The following SLC25A26 variants were observed in gnomAD, a reference collection of about 807,000 sequenced individuals.
SLC25A26 encodes the protein solute carrier family 25 member 26, also known as mitochondrial S-adenosylmethionine carrier protein.
In SLC25A26, 36 loss-of-function variants were observed where a neutral mutation model predicts 37.8. That is an observed-to-expected ratio of 0.95 (90% CI 0.73 to 1.26). The LOEUF (loss-of-function observed/expected upper bound fraction) is 1.26. SLC25A26 is among the 50% of genes most tolerant of loss of function. The pLI is 0.00. For missense variants in SLC25A26, 390 were observed against 331.1 expected (o/e 1.18, Z -1.38); for synonymous variants, 129 against 122.5 (o/e 1.05, Z -0.35).
chr3:66,293,156 C>T (rs1162079350), intron 5 of SLC25A26: 1 of 152,140 alleles, frequency 6.6e-6, no homozygotes, highest in Non-Finnish European at 1.5e-5. Flanking sequence ...CATCCTTGCA[C>T]AGGGCCCATG....
At chr3:66,214,727 A>AT (rs1229802670) in intron 1 of SLC25A26, among the ~76,000 whole-genome samples, 1 of 152,074 alleles carries the variant, frequency 6.6e-6, no homozygotes, top group Non-Finnish European at 1.5e-5. Context: ...CATTGCACAT[A>AT]TTTTCCCTGT....
chr3:66,284,882 T>A (rs1434439668), intron 5 of SLC25A26, among the ~76,000 whole-genome samples: 1 of 152,232 alleles, frequency 6.6e-6, no homozygotes, highest in Non-Finnish European at 1.5e-5. Context: ...GCTATTTTGT[T>A]ACCATTTTGT....
intron 1 of SLC25A26, among the ~76,000 whole-genome samples, chr3:66,204,094 A>G (rs1254565318): frequency 1.3e-5 from 2 of 152,194 alleles, no homozygotes; most frequent in African/African-American, 4.8e-5. Flanking sequence ...CAATGCTAGA[A>G]TTGCTGGACT....
intron 1 of SLC25A26, among the ~76,000 whole-genome samples, chr3:66,206,639 C>T (rs1277541512): frequency 6.6e-6 from 1 of 151,134 alleles, no homozygotes; most frequent in Admixed American, 6.6e-5. Context: ...AGACAGAGGA[C>T]ATTTCAGAAT....
intron 1 of SLC25A26, among the ~76,000 whole-genome samples, chr3:66,168,416 T>C (rs949030784): frequency 7.2e-5 from 11 of 152,128 alleles, no homozygotes; most frequent in Non-Finnish European, 1.6e-4. Flanking sequence ...CCTGAAATTC[T>C]GAGGCAGGAT....
chr3:66,256,321 T>C (rs1026644221), intron 3 of SLC25A26, among the ~76,000 whole-genome samples: 1 of 152,210 alleles, frequency 6.6e-6, no homozygotes, highest in African/African-American at 2.4e-5. Flanking sequence ...AAATTTATAA[T>C]ATGTCCTTTT....
chr3:66,154,540 CTTTTTT>C (rs60639995), intron 1 of SLC25A26, among the ~76,000 whole-genome samples: 6 of 130,396 alleles, frequency 4.6e-5, no homozygotes, highest in Non-Finnish European at 4.8e-5. Context: ...TTCTTTTTTT[CTTTTTT>C]TTTTTTTTTT....
intron 5 of SLC25A26, among the ~76,000 whole-genome samples, chr3:66,346,119 T>G (rs1360201707): frequency 1.3e-5 from 2 of 152,190 alleles, no homozygotes; most frequent in Non-Finnish European, 2.9e-5. Context: ...CTCGTGAGCC[T>G]GGGAGGTCGA....
chr3:66,253,023 G>GACCCCC (rs2073145813), intron 3 of SLC25A26, among the ~76,000 whole-genome samples: 1 of 106,694 alleles, frequency 9.4e-6, no homozygotes, highest in Non-Finnish European at 1.8e-5. Context: ...GCAAAATAAT[G>GACCCCC]CCCCCCCCCC....
intron 7 of SLC25A26, among the ~76,000 whole-genome samples, chr3:66,366,733 T>G (rs573563916): frequency 2.0e-5 from 3 of 152,336 alleles, no homozygotes; most frequent in African/African-American, 7.2e-5. Context: ...TTGTGAACAT[T>G]TTCACATACG....
At position 66,237,586 on chromosome 3, in the gene SLC25A26, A is replaced by G. The variant is rs142777560; in HGVS notation, c.190+886A>G. Among the ~76,000 whole-genome samples the G allele has an allele frequency of 3.0e-3, 456 of 152,250 alleles. 2 individuals carry two copies. The highest frequency in any genetic ancestry group is 9.3e-3 in the African/African-American group (385 of 41,548). On this transcript the variant is annotated intron_variant, in intron 2 of 9. Transcript: ENST00000354883. ...TGTTCTCCTGGATACTGTCCTTCCAATGTCTTTTGTTTTGGTTCTGAAGTC... is the reference window on the plus strand; with the variant it reads ...TGTTCTCCTGGATACTGTCCTTCCAGTGTCTTTTGTTTTGGTTCTGAAGTC...
chr3:66,265,655 A>G (rs2073715841), intron 5 of SLC25A26, among the ~76,000 whole-genome samples: 1 of 152,252 alleles, frequency 6.6e-6, no homozygotes, highest in Admixed American at 6.5e-5. Flanking sequence ...TCTTTATGAC[A>G]TACCAACACT....
intron 2 of SLC25A26, among the ~76,000 whole-genome samples, chr3:66,237,499 A>G (rs1263784042): frequency 6.6e-6 from 1 of 152,242 alleles, no homozygotes; most frequent in African/African-American, 2.4e-5. Context: ...TGAACCTAAG[A>G]GGCATTACAC....
At chr3:66,217,773 C>T (rs940931022), upstream of SLC25A26, among the ~76,000 whole-genome samples, 2 of 152,190 alleles carry the variant, frequency 1.3e-5, no homozygotes, top group Non-Finnish European at 2.9e-5. Flanking sequence ...TGGTCTCAAA[C>T]TTCTGACCTC....
chr3:66,221,144 G>C lies in SLC25A26; in HGVS notation c.33+17G>C. On this transcript the variant is annotated intron_variant, in intron 1 of 9. Coordinates refer to ENST00000354883, the MANE Select transcript of SLC25A26 (RefSeq NM_001379210.1). ...GCGCTGGTGGTGAGTGCGGGGCGGT[G>C]GGGTGGGTTGCTCAGAGTGCCGGCG... The C allele has an allele frequency of 6.6e-7, 1 of 1,511,556 alleles. No homozygotes were observed. Among genetic ancestry groups the C allele is most frequent in the Non-Finnish European group, 8.8e-7 (1 of 1,137,170 alleles). The allele number at this position is 1,511,556 out of a possible 1,614,324, so 93.6% of individuals were successfully genotyped here.
At chr3:66,180,418 T>G (rs1243828244) in intron 1 of SLC25A26, among the ~76,000 whole-genome samples, 2 of 152,192 alleles carry the variant, frequency 1.3e-5, no homozygotes, top group Non-Finnish European at 2.9e-5. Flanking sequence ...CGGAAGTGAT[T>G]TCAAAACTCT....
intron 5 of SLC25A26, among the ~76,000 whole-genome samples, chr3:66,332,429 A>T (rs2075998612): frequency 6.6e-6 from 1 of 152,208 alleles, no homozygotes; most frequent in Non-Finnish European, 1.5e-5. Flanking sequence ...AATAGTACTC[A>T]TTTAGATTGA....
chr3:66,256,027 A>G (rs2073287849), intron 3 of SLC25A26, among the ~76,000 whole-genome samples: 1 of 152,218 alleles, frequency 6.6e-6, no homozygotes, highest in Admixed American at 6.5e-5. Context: ...TGAAGCATGA[A>G]GTTCCATAAA....
At chr3:66,250,768 G>A (rs2073052915) in intron 3 of SLC25A26, among the ~76,000 whole-genome samples, 1 of 152,006 alleles carries the variant, frequency 6.6e-6, no homozygotes, top group African/African-American at 2.4e-5. Flanking sequence ...TAGATGGATG[G>A]GTGTTAATTC....
Sources: allele counts gnomAD v4.1 joint callset (sites outside exome capture counted in the v4.1 genomes callset), GRCh38; gene constraint gnomAD v4.1.1; transcripts MANE v1.5; gene names NCBI Gene and HGNC (gene_info 2026-07-23, HGNC 2026-07-21).